GPC3: variants seen among roughly 807,000 people sequenced by gnomAD.
GPC3 encodes glypican 3.
A neutral mutation model predicts 34.4 loss-of-function variants in GPC3; 3 were observed. The observed-to-expected ratio is 0.09, with a 90% CI of 0.04 to 0.23. The LOEUF is 0.23. GPC3 is among the 10% of genes least tolerant of loss of function. The pLI is 1.00. For synonymous variants in GPC3, 177 were observed against 174.0 expected, an observed-to-expected ratio of 1.02 and a Z score of -0.13; for missense variants, 351 against 445.6, an observed-to-expected ratio of 0.79 and a Z score of 1.91.
chrX:133,914,172 G>A (rs1410893712), intron 2 of GPC3, among the ~76,000 whole-genome samples: 1 of 111,374 alleles, frequency 9.0e-6, no homozygotes, highest in Non-Finnish European at 1.9e-5. Context: ...ATTCACTAGG[G>A]TAAACATGTC....
At chrX:133,829,517 T>C (rs1227031096) in intron 2 of GPC3, among the ~76,000 whole-genome samples, 1 of 111,626 alleles carries the variant, frequency 9.0e-6, no homozygotes, top group Non-Finnish European at 1.9e-5. Context: ...AGAACACACA[T>C]TCTCAAGTGA....
intron 2 of GPC3, among the ~76,000 whole-genome samples, chrX:133,772,245 G>C (rs1189515971): frequency 9.0e-6 from 1 of 111,505 alleles, no homozygotes; most frequent in African/African-American, 3.3e-5. Flanking sequence ...GGGTTATATG[G>C]GTCAGCTTAC....
chrX:133,678,412 G>A (rs1569412211), intron 5 of GPC3, among the ~76,000 whole-genome samples: 1 of 111,513 alleles, frequency 9.0e-6, no homozygotes, highest in Non-Finnish European at 1.9e-5. Context: ...TGGGTGAGCT[G>A]CAGCTCTCCC....
At chrX:133,624,227 C>A (rs1193148648) in intron 6 of GPC3, among the ~76,000 whole-genome samples, 1 of 111,188 alleles carries the variant, frequency 9.0e-6, no homozygotes, top group Admixed American at 9.6e-5. Flanking sequence ...AAATTGACAC[C>A]CTAACATCAC....
At chrX:133,806,635 T>A (rs1378245478) in intron 2 of GPC3, among the ~76,000 whole-genome samples, 1 of 109,259 alleles carries the variant, frequency 9.2e-6, no homozygotes, top group African/African-American at 3.4e-5. Flanking sequence ...ATTTGTTTTA[T>A]TTTATTTATT....
At chrX:133,732,267 G>T (rs920488207) in intron 3 of GPC3, among the ~76,000 whole-genome samples, 1 of 111,127 alleles carries the variant, frequency 9.0e-6, no homozygotes, top group Non-Finnish European at 1.9e-5. Flanking sequence ...TCTGACTGGC[G>T]GGCTCATGAA....
In GPC3 at chrX:133,607,840, C is replaced by T. The variant is rs370023451; in HGVS notation, c.1414-11241G>A. On this transcript the variant is annotated intron_variant, in intron 6 of 7. Transcript: ENST00000370818. ...AAAGTCAAAGAGGAAGGCAGTCATT[C>T]GATCTTTTTAAGCAAAGGAAGCAGC... is the stretch of plus-strand genomic sequence containing the variant. Among the ~76,000 whole-genome samples the T allele has an allele frequency of 8.9e-5, 10 of 112,447 alleles. No individual in the cohort carries two copies. The East Asian group carries it at 2.0e-3, about 22-fold the overall frequency.
At chrX:133,801,972 G>A (rs186637339) in intron 2 of GPC3, among the ~76,000 whole-genome samples, 1 of 111,484 alleles carries the variant, frequency 9.0e-6, no homozygotes, top group East Asian at 2.8e-4. Flanking sequence ...AACAGAAATG[G>A]GCCTGGGGAA....
intron 2 of GPC3, among the ~76,000 whole-genome samples, chrX:133,900,563 CT>C (rs1019018013): frequency 1.0e-3 from 109 of 106,355 alleles, no homozygotes; most frequent in Admixed American, 2.1e-3. Flanking sequence ...TCTTCTTTAA[CT>C]TTTTTTTTTT....
At chrX:133,727,550 CA>C (rs370410324) in intron 3 of GPC3, among the ~76,000 whole-genome samples, 53 of 99,138 alleles carry the variant, frequency 5.3e-4, no homozygotes, top group Admixed American at 5.4e-4. Context: ...AACACTGTCT[CA>C]AAAAAAAAAA....
intron 6 of GPC3, among the ~76,000 whole-genome samples, chrX:133,641,176 TA>T (rs1202483837): frequency 9.3e-6 from 1 of 107,965 alleles, no homozygotes. Context: ...ATGAGGAGGT[TA>T]AAAAAAAAGA....
At chrX:133,893,180 C>T (rs2076095870) in intron 2 of GPC3, among the ~76,000 whole-genome samples, 1 of 111,242 alleles carries the variant, frequency 9.0e-6, no homozygotes, top group South Asian at 3.9e-4. Flanking sequence ...TCACTTGAAC[C>T]CAGGAGGCAG....
chrX:133,722,345 C>A (rs780693603), intron 3 of GPC3, among the ~76,000 whole-genome samples: 14 of 111,071 alleles, frequency 1.3e-4, no homozygotes, highest in Non-Finnish European at 2.3e-4. Context: ...TATCACAGAA[C>A]CCCAAATCAC....
intron 2 of GPC3, among the ~76,000 whole-genome samples, chrX:133,812,567 T>G (rs1262340103): frequency 8.9e-6 from 1 of 112,210 alleles, no homozygotes. Context: ...ATTTCTCTTG[T>G]AACTGGACTC....
intron 2 of GPC3, among the ~76,000 whole-genome samples, chrX:133,940,816 G>A (rs1289100428): frequency 8.9e-6 from 1 of 112,316 alleles, no homozygotes; most frequent in African/African-American, 3.2e-5. Flanking sequence ...AACATACTTT[G>A]TTTTCCACTA....
At chrX:133,835,363 C>T (rs1200329275) in intron 2 of GPC3, among the ~76,000 whole-genome samples, 1 of 111,948 alleles carries the variant, frequency 8.9e-6, no homozygotes, top group African/African-American at 3.2e-5. Flanking sequence ...CAAATGTACA[C>T]AGACAGTGCC....
At chrX:133,737,516 C>T (rs1603236736) in intron 3 of GPC3, among the ~76,000 whole-genome samples, 1 of 111,459 alleles carries the variant, frequency 9.0e-6, no homozygotes, top group Admixed American at 9.5e-5. Context: ...AATCTGAAAG[C>T]ACTGTAAAAA....
intron 2 of GPC3, among the ~76,000 whole-genome samples, chrX:133,843,825 A>C (rs760163887): frequency 1.4e-4 from 16 of 112,390 alleles, no homozygotes; most frequent in African/African-American, 5.2e-4. Context: ...GTAACTATGC[A>C]TTTCGTGATA....
intron 7 of GPC3, among the ~76,000 whole-genome samples, chrX:133,557,204 G>T (rs1465585933): frequency 9.0e-6 from 1 of 111,031 alleles, no homozygotes; most frequent in Non-Finnish European, 1.9e-5. Context: ...TGAGGCAGGA[G>T]AATGGCGTGA....
Sources: allele counts gnomAD v4.1 joint callset (sites outside exome capture counted in the v4.1 genomes callset), GRCh38; gene constraint gnomAD v4.1.1; transcripts MANE v1.5; gene names NCBI Gene and HGNC (gene_info 2026-07-23, HGNC 2026-07-21).